BTRC: variants seen among roughly 807,000 people sequenced by gnomAD.
BTRC encodes F-box/WD repeat-containing protein 1A.
BTRC carries 42 observed loss-of-function variants against 85.5 expected under a neutral mutation model. The ratio of observed to expected loss-of-function variants is 0.49; its 90% CI spans 0.38 to 0.64. The LOEUF (loss-of-function observed/expected upper bound fraction) is 0.64, where lower values mean the gene tolerates loss of function less well. BTRC is among the 30% of genes least tolerant of loss of function. The probability of loss-of-function intolerance (pLI) is 0.00; values close to 1 mark genes in which losing one functional copy is unlikely to be tolerated. For synonymous variants in BTRC, 255 were observed against 263.3 expected, an observed-to-expected ratio of 0.97 and a Z score of 0.30; for missense variants, 594 against 743.5, an observed-to-expected ratio of 0.80 and a Z score of 2.34.
At chr10:101,547,325 T>TTCC in intron 13 of BTRC, among the ~76,000 whole-genome samples, 1 of 143,316 alleles carries the variant, frequency 7.0e-6, no homozygotes, top group Non-Finnish European at 1.5e-5. Flanking sequence ...ATATATGGTT[T>TTCC]TTCTTTTTTT....
chr10:101,433,539 G>A (rs1944453484), intron 2 of BTRC, among the ~76,000 whole-genome samples: 1 of 152,172 alleles, frequency 6.6e-6, no homozygotes, highest in African/African-American at 2.4e-5. Flanking sequence ...GGCCCCAAGA[G>A]CCAGTGAGGC....
chr10:101,436,861 G>T (rs1272492677), intron 2 of BTRC, among the ~76,000 whole-genome samples: 1 of 152,100 alleles, frequency 6.6e-6, no homozygotes, highest in Admixed American at 6.5e-5. Context: ...ATTTTACCAT[G>T]TACAAAGTGA....
At chr10:101,421,067 A>G (rs1278467480) in intron 1 of BTRC, among the ~76,000 whole-genome samples, 3 of 150,718 alleles carry the variant, frequency 2.0e-5, no homozygotes, top group South Asian at 4.3e-4. Context: ...GCACCCTCCA[A>G]ACGAGTTTCA....
intron 1 of BTRC, among the ~76,000 whole-genome samples, chr10:101,414,395 C>T (rs1305184020): frequency 6.6e-6 from 1 of 152,062 alleles, no homozygotes; most frequent in Admixed American, 6.6e-5. Flanking sequence ...TGTAAATGAA[C>T]CTGCTGCACT....
chr10:101,366,927 T>TATA (rs1564730342), intron 1 of BTRC, among the ~76,000 whole-genome samples: 1 of 22,950 alleles, frequency 4.4e-5, no homozygotes, highest in Non-Finnish European at 6.6e-5. Flanking sequence ...TTTATATATA[T>TATA]TTATATATAT....
At chr10:101,462,746 A>G (rs1159764934) in intron 3 of BTRC, among the ~76,000 whole-genome samples, 1 of 152,054 alleles carries the variant, frequency 6.6e-6, no homozygotes, top group East Asian at 1.9e-4. Context: ...TACTTGTGAA[A>G]GTTCAATACC....
intron 5 of BTRC, among the ~76,000 whole-genome samples, chr10:101,522,116 C>T (rs1452382140): frequency 5.2e-5 from 7 of 135,398 alleles, no homozygotes; most frequent in Non-Finnish European, 9.2e-5. Context: ...CACTGCAACA[C>T]TGCAAGCTCC....
At chr10:101,437,808 A>C (rs920578717) in intron 2 of BTRC, among the ~76,000 whole-genome samples, 1 of 152,232 alleles carries the variant, frequency 6.6e-6, no homozygotes, top group East Asian at 1.9e-4. Flanking sequence ...GTTCTTTTAT[A>C]TATCTGTGTC....
intron 1 of BTRC, among the ~76,000 whole-genome samples, chr10:101,427,549 A>T (rs11191006): frequency 0.39 from 54,920 of 140,436 alleles, 11,289 homozygotes; most frequent in Middle Eastern, 0.55. Flanking sequence ...CTTTCTTTCC[A>T]CAGGGTCTTG....
intron 4 of BTRC, among the ~76,000 whole-genome samples, chr10:101,502,336 C>G (rs1946417832): frequency 6.6e-6 from 1 of 151,704 alleles, no homozygotes. Flanking sequence ...TCTTCCTTCC[C>G]TGAAGTTGGG....
chr10:101,546,325 C>T (rs954053251), intron 13 of BTRC, among the ~76,000 whole-genome samples: 4 of 152,122 alleles, frequency 2.6e-5, no homozygotes, highest in African/African-American at 9.7e-5. Flanking sequence ...TGAAAAATCC[C>T]AAAATATGTG....
intron 4 of BTRC, among the ~76,000 whole-genome samples, chr10:101,501,715 G>T (rs897968567): frequency 7.9e-5 from 12 of 152,114 alleles, no homozygotes; most frequent in African/African-American, 2.9e-4. Context: ...AAAAGGTTAG[G>T]TAGTAAACCA....
At chr10:101,459,032 T>C (rs1351533972) in intron 2 of BTRC, among the ~76,000 whole-genome samples, 1 of 152,222 alleles carries the variant, frequency 6.6e-6, no homozygotes, top group Non-Finnish European at 1.5e-5. Flanking sequence ...ACTCCTGGAC[T>C]CAGGCAGTCC....
At chr10:101,431,822 T>A (rs569517795) in intron 2 of BTRC, among the ~76,000 whole-genome samples, 1 of 152,344 alleles carries the variant, frequency 6.6e-6, no homozygotes, top group South Asian at 2.1e-4. Flanking sequence ...CTTTACAAAA[T>A]TTAATATCTT....
rs1942490204 is a variant in BTRC, at chr10:101,367,201, G to T, written c.48+12973G>T. On this transcript the variant is annotated intron_variant, in intron 1 of 14. Transcript: ENST00000370187. ...TTCTCCTACCTCAGCCTCCCCAGTGGCTGGGACTACATGCGCGCACCACCA... is the reference window on the plus strand; with the variant it reads ...TTCTCCTACCTCAGCCTCCCCAGTGTCTGGGACTACATGCGCGCACCACCA... 5.4e-5 allele frequency among the ~76,000 whole-genome samples: 8 copies of T among 147,444 alleles called. No individual in the cohort carries two copies. In the South Asian group the frequency reaches 1.7e-3, roughly 31 times the overall value.
chr10:101,465,165 G>A (rs780750537), intron 3 of BTRC, among the ~76,000 whole-genome samples: 62 of 152,102 alleles, frequency 4.1e-4, no homozygotes, highest in African/African-American at 6.7e-4. Context: ...TGTCAAGGCC[G>A]CCTTATACCT....
intron 2 of BTRC, among the ~76,000 whole-genome samples, chr10:101,433,110 C>G (rs1158576028): frequency 6.6e-6 from 1 of 152,102 alleles, no homozygotes; most frequent in African/African-American, 2.4e-5. Flanking sequence ...TTTCCAGTAG[C>G]CAAGAGGAAA....
At chr10:101,384,059 A>G (rs1943004857) in intron 1 of BTRC, among the ~76,000 whole-genome samples, 1 of 152,068 alleles carries the variant, frequency 6.6e-6, no homozygotes, top group Non-Finnish European at 1.5e-5. Flanking sequence ...ATATTTGTCG[A>G]ATTTTCTTTA....
intron 1 of BTRC, among the ~76,000 whole-genome samples, chr10:101,370,537 A>G (rs923195065): frequency 4.6e-5 from 7 of 152,276 alleles, no homozygotes; most frequent in African/African-American, 1.7e-4. Flanking sequence ...AATGTAGTCA[A>G]GATTTTCAAT....
Sources: gnomAD v4.1 joint callset for allele counts (sites outside exome capture counted in the v4.1 genomes callset) on GRCh38, gnomAD v4.1.1 for gene constraint, MANE v1.5 for transcripts, NCBI Gene and HGNC (gene_info 2026-07-23, HGNC 2026-07-21) for gene names.